Variants in PLXDC2 observed in about 807,000 individuals in gnomAD.
PLXDC2 encodes plexin domain containing 2, also known as plexin domain-containing protein 2.
PLXDC2 carries 40 observed loss-of-function variants against 68.9 expected under a neutral mutation model. The ratio of observed to expected loss-of-function variants is 0.58; its 90% CI spans 0.45 to 0.76. The LOEUF (loss-of-function observed/expected upper bound fraction) is 0.76. Among genes scored for constraint, PLXDC2 ranks in the 30% least tolerant of loss-of-function variants. The pLI, the probability that PLXDC2 is intolerant of heterozygous loss-of-function variation, is 0.00. For synonymous variants in PLXDC2, 243 were observed against 234.2 expected (o/e 1.04, Z -0.34); for missense variants, 644 against 661.9 (o/e 0.97, Z 0.30).
At chr10:20,232,933 T>A (rs2131880214) in intron 12 of PLXDC2, among the ~76,000 whole-genome samples, 1 of 152,282 alleles carries the variant, frequency 6.6e-6, no homozygotes, top group South Asian at 2.1e-4. Flanking sequence ...TTTTGATATG[T>A]TTTCATAAAC....
intron 12 of PLXDC2, among the ~76,000 whole-genome samples, chr10:20,227,674 T>C (rs1250425333): frequency 6.6e-6 from 1 of 152,132 alleles, no homozygotes; most frequent in Non-Finnish European, 1.5e-5. Flanking sequence ...GCAATGGGGT[T>C]TGAACTTTAA....
intron 4 of PLXDC2, among the ~76,000 whole-genome samples, chr10:20,072,494 A>AGAAG (rs1554764551): frequency 5.8e-4 from 2 of 3,474 alleles, no homozygotes; most frequent in Non-Finnish European, 1.0e-3. Flanking sequence ...AGAAAGAAAG[A>AGAAG]GAAAGAAAGA....
At chr10:19,963,980 T>C (rs1834204399) in intron 1 of PLXDC2, among the ~76,000 whole-genome samples, 1 of 152,150 alleles carries the variant, frequency 6.6e-6, no homozygotes, top group African/African-American at 2.4e-5. Context: ...AATGTGTAAG[T>C]GCAATAATGG....
At chr10:20,011,020 TCAAA>T (rs1835104065) in intron 2 of PLXDC2, among the ~76,000 whole-genome samples, 1 of 152,202 alleles carries the variant, frequency 6.6e-6, no homozygotes. Context: ...AGAGGACATA[TCAAA>T]CATACTCAGA....
At chr10:20,003,209 C>G (rs1391182641) in intron 2 of PLXDC2, among the ~76,000 whole-genome samples, 1 of 152,102 alleles carries the variant, frequency 6.6e-6, no homozygotes, top group African/African-American at 2.4e-5. Flanking sequence ...AGCAAGTAAA[C>G]TTGGGCAAAA....
chr10:20,040,486 C>A lies in PLXDC2; in HGVS notation c.325-6383C>A, dbSNP rs75790421. On this transcript the variant is annotated intron_variant, in intron 2 of 13. Coordinates refer to ENST00000377252, the MANE Select transcript of PLXDC2 (RefSeq NM_032812.9). ...CTACTTTCATGAATACTCATGACTCCTCCTGTAGCTTATTGAATATGTATA... is the reference window on the plus strand; with the variant it reads ...CTACTTTCATGAATACTCATGACTCATCCTGTAGCTTATTGAATATGTATA... Among the ~76,000 whole-genome samples, 1,182 of 152,238 alleles carry A rather than the reference C, an allele frequency of 7.8e-3. 14 individuals are homozygous for A. The highest frequency in any genetic ancestry group is 0.027 in the African/African-American group (1,114 of 41,556).
At chr10:19,949,439 G>C (rs553213117) in intron 1 of PLXDC2, among the ~76,000 whole-genome samples, 1 of 152,244 alleles carries the variant, frequency 6.6e-6, no homozygotes, top group Admixed American at 6.5e-5. Context: ...GAGAATACAT[G>C]AGGCTGGATG....
rs894680730 is a variant in PLXDC2 at position 19,834,241 on chromosome 10, C to T, written c.112+17050C>T. On this transcript the variant is annotated intron_variant, in intron 1 of 13. Transcript: ENST00000377252. ...TGTGCTAAAAAGACAGGTATAGTGTCCAGGTTTCAATGGACTGGGAAAGGA... is the reference window on the plus strand; with the variant it reads ...TGTGCTAAAAAGACAGGTATAGTGTTCAGGTTTCAATGGACTGGGAAAGGA... Among the ~76,000 whole-genome samples the T allele has an allele frequency of 3.3e-5, 5 of 152,086 alleles. No homozygotes were observed. In the East Asian group the frequency reaches 9.7e-4, roughly 29 times the overall value.
intron 1 of PLXDC2, among the ~76,000 whole-genome samples, chr10:19,946,874 C>A (rs935705179): frequency 6.6e-6 from 1 of 151,908 alleles, no homozygotes; most frequent in Non-Finnish European, 1.5e-5. Flanking sequence ...GGAGCTCAGG[C>A]GGTAATACGA....
intron 13 of PLXDC2, among the ~76,000 whole-genome samples, chr10:20,278,886 A>C (rs747879475): frequency 6.6e-6 from 1 of 152,200 alleles, no homozygotes; most frequent in Non-Finnish European, 1.5e-5. Context: ...TATGGCTGTG[A>C]AATGCATTTT....
intron 4 of PLXDC2, among the ~76,000 whole-genome samples, chr10:20,079,725 T>G (rs551037896): frequency 6.6e-6 from 1 of 151,068 alleles, no homozygotes; most frequent in East Asian, 2.0e-4. Context: ...TAAGTGGGAG[T>G]TGAACAATAA....
chr10:19,954,879 C>G (rs546605206), intron 1 of PLXDC2, among the ~76,000 whole-genome samples: 6 of 152,254 alleles, frequency 3.9e-5, no homozygotes, highest in Admixed American at 6.5e-5. Flanking sequence ...TTAACTGGCA[C>G]TCTTGCCCCC....
chr10:20,273,291 G>A (rs1329916852), intron 13 of PLXDC2, among the ~76,000 whole-genome samples: 7 of 151,884 alleles, frequency 4.6e-5, no homozygotes, highest in African/African-American at 1.5e-4. Context: ...TGGCATGATT[G>A]TATATCGACA....
At chr10:20,001,366 G>A (rs964130302) in intron 1 of PLXDC2, among the ~76,000 whole-genome samples, 1 of 151,490 alleles carries the variant, frequency 6.6e-6, no homozygotes, top group African/African-American at 2.4e-5. Context: ...AATTAATGAG[G>A]TCTGACTTTT....
chr10:20,033,211 A>T (rs750474027), intron 2 of PLXDC2, among the ~76,000 whole-genome samples: 8 of 149,752 alleles, frequency 5.3e-5, no homozygotes, highest in Non-Finnish European at 1.0e-4. Context: ...TAAAATAAAA[A>T]AATAAAATAA....
At chr10:20,179,486 A>G (rs1025706337) in intron 9 of PLXDC2, among the ~76,000 whole-genome samples, 5 of 152,054 alleles carry the variant, frequency 3.3e-5, no homozygotes, top group East Asian at 1.9e-4. Context: ...GGGACTTTCA[A>G]TGCTAAAACC....
intron 12 of PLXDC2, among the ~76,000 whole-genome samples, chr10:20,243,735 G>C (rs12413486): frequency 0.23 from 34,692 of 152,136 alleles, 3,982 homozygotes; most frequent in East Asian, 0.25. Context: ...AGAGGCAAAT[G>C]GTAAAAATAA....
chr10:20,072,531 G>GAA (rs780683638), intron 4 of PLXDC2, among the ~76,000 whole-genome samples: 1 of 105,464 alleles, frequency 9.5e-6, no homozygotes, highest in African/African-American at 7.3e-5. Flanking sequence ...AAGAAAGAAA[G>GAA]AAAGAAAGAA....
intron 10 of PLXDC2, among the ~76,000 whole-genome samples, chr10:20,215,923 G>C (rs1182652093): frequency 6.6e-6 from 1 of 152,030 alleles, no homozygotes; most frequent in Non-Finnish European, 1.5e-5. Context: ...GAGCATAATG[G>C]GAGAGGTGAT....
Sources: allele counts gnomAD v4.1 joint callset (sites outside exome capture counted in the v4.1 genomes callset), GRCh38; gene constraint gnomAD v4.1.1; transcripts MANE v1.5; gene names NCBI Gene and HGNC (gene_info 2026-07-23, HGNC 2026-07-21).